Variants in CACNA2D1 observed in about 807,000 individuals in gnomAD.
CACNA2D1 encodes the protein voltage-dependent calcium channel subunit alpha-2/delta-1.
In CACNA2D1, 53 loss-of-function variants were observed where a neutral mutation model predicts 171.5. That is an observed-to-expected ratio of 0.31 (90% CI 0.25 to 0.39). The LOEUF (loss-of-function observed/expected upper bound fraction) is 0.39. Ranked by LOEUF, CACNA2D1 falls within the 10% of genes least tolerant of loss-of-function variation. CACNA2D1 has a pLI of 1.00. For synonymous variants in CACNA2D1, 442 were observed against 443.1 expected (o/e 1.00, Z 0.03); for missense variants, 903 against 1,299.8 (o/e 0.69, Z 4.69).
At chr7:82,323,580 G>A (rs1225719378) in intron 3 of CACNA2D1, among the ~76,000 whole-genome samples, 1 of 152,126 alleles carries the variant, frequency 6.6e-6, no homozygotes, top group African/African-American at 2.4e-5. Flanking sequence ...ATTCTCTGAT[G>A]CTGCCATTTT....
chr7:82,012,082 T>A (rs1799853556), intron 15 of CACNA2D1, 72 bp downstream of exon 15: 4 of 945,980 alleles, frequency 4.2e-6, no homozygotes, highest in Non-Finnish European at 7.0e-6. Context: ...AGAGACATCA[T>A]CTAGAAAGAA....
At chr7:82,297,072 CAAAAAA>C (rs57473351) in intron 3 of CACNA2D1, among the ~76,000 whole-genome samples, 1,988 of 72,276 alleles carry the variant, frequency 0.028, 75 homozygotes, top group Middle Eastern at 0.13. Context: ...CTGTGTCTAC[CAAAAAA>C]AAAAAAAAAA....
chr7:82,046,598 C>A (rs917825302), intron 10 of CACNA2D1, among the ~76,000 whole-genome samples: 5 of 152,102 alleles, frequency 3.3e-5, no homozygotes, highest in African/African-American at 1.2e-4. Context: ...AAGGGTTTTT[C>A]TAGATTAGGT....
chr7:82,077,779 G>A (rs1809181472), intron 7 of CACNA2D1, among the ~76,000 whole-genome samples: 2 of 146,478 alleles, frequency 1.4e-5, no homozygotes, highest in African/African-American at 5.1e-5. Context: ...AAAAAAATCA[G>A]GCATTTTTAG....
intron 3 of CACNA2D1, among the ~76,000 whole-genome samples, chr7:82,172,667 G>C (rs1402345509): frequency 1.8e-5 from 2 of 114,048 alleles, no homozygotes; most frequent in African/African-American, 7.0e-5. Flanking sequence ...CAAACTCCTA[G>C]CCTCAAATTA....
chr7:82,109,819 C>A (rs1251091009), intron 6 of CACNA2D1, among the ~76,000 whole-genome samples: 3 of 152,154 alleles, frequency 2.0e-5, no homozygotes, highest in Admixed American at 6.6e-5. Context: ...ATCCTCACTG[C>A]ACCCTAACAA....
At chr7:82,252,688 G>C (rs1046973878) in intron 3 of CACNA2D1, among the ~76,000 whole-genome samples, 3 of 152,084 alleles carry the variant, frequency 2.0e-5, no homozygotes, top group Non-Finnish European at 1.5e-5. Context: ...TCAAGAGATC[G>C]AGACCATCTG....
At chr7:82,135,206 T>C (rs1791465305) in intron 5 of CACNA2D1, among the ~76,000 whole-genome samples, 1 of 152,072 alleles carries the variant, frequency 6.6e-6, no homozygotes, top group Non-Finnish European at 1.5e-5. Context: ...ACAAATTAAA[T>C]ATTAAATAAA....
chr7:82,031,959 G>A (rs1802753724), intron 12 of CACNA2D1, among the ~76,000 whole-genome samples: 2 of 151,946 alleles, frequency 1.3e-5, no homozygotes, highest in South Asian at 4.1e-4. Context: ...ACCAGAAAGA[G>A]TTTATAATTT....
At chr7:82,176,753 C>G (rs1473372266) in intron 3 of CACNA2D1, among the ~76,000 whole-genome samples, 2 of 151,542 alleles carry the variant, frequency 1.3e-5, no homozygotes, top group African/African-American at 4.8e-5. Flanking sequence ...TTTACTAAGG[C>G]TCGTTATATG....
intron 4 of CACNA2D1, among the ~76,000 whole-genome samples, chr7:82,144,216 G>C (rs1415029842): frequency 1.3e-5 from 2 of 151,894 alleles, no homozygotes; most frequent in Non-Finnish European, 2.9e-5. Context: ...TAAGAATTTG[G>C]TTTCCAACAC....
chr7:82,157,577 T>C (rs1563133492), intron 4 of CACNA2D1, among the ~76,000 whole-genome samples: 1 of 152,034 alleles, frequency 6.6e-6, no homozygotes, highest in East Asian at 1.9e-4. Flanking sequence ...TCAACATCTA[T>C]GATACTAAAA....
chr7:82,406,331 T>G (rs1827039559), intron 1 of CACNA2D1, among the ~76,000 whole-genome samples: 1 of 152,226 alleles, frequency 6.6e-6, no homozygotes, highest in African/African-American at 2.4e-5. Flanking sequence ...TTTGCTATTG[T>G]GAATAGTGCC....
intron 3 of CACNA2D1, among the ~76,000 whole-genome samples, chr7:82,264,810 T>C (rs1163445357): frequency 6.6e-6 from 1 of 152,194 alleles, no homozygotes; most frequent in African/African-American, 2.4e-5. Flanking sequence ...TTTATGATTA[T>C]TTACTTTCTC....
Position 82,074,492 on chromosome 7 carries a change from T to C in CACNA2D1, c.659-7968A>G, listed in dbSNP as rs1808720855. On this transcript the variant is annotated intron_variant, in intron 7 of 38. Coordinates refer to ENST00000356860, the MANE Select transcript of CACNA2D1 (RefSeq NM_000722.4). ...ATCCTCCCTCCTTGGCCTCCTAAACTGCTGGGATTACAGGCATGAGCCACT... is the reference window on the plus strand; with the variant it reads ...ATCCTCCCTCCTTGGCCTCCTAAACCGCTGGGATTACAGGCATGAGCCACT... 4.6e-5 allele frequency among the ~76,000 whole-genome samples: 7 copies of C among 152,194 alleles called. No individual in the cohort carries two copies. In the South Asian group the frequency reaches 1.4e-3, roughly 32 times the overall value.
At chr7:82,042,354 C>G (rs751440435) in intron 10 of CACNA2D1, among the ~76,000 whole-genome samples, 2 of 152,022 alleles carry the variant, frequency 1.3e-5, no homozygotes, top group Non-Finnish European at 2.9e-5. Flanking sequence ...ATATTAAAAA[C>G]CTTAGAGCAA....
At chr7:82,096,191 A>G (rs1018548408) in intron 6 of CACNA2D1, among the ~76,000 whole-genome samples, 1 of 152,164 alleles carries the variant, frequency 6.6e-6, no homozygotes, top group East Asian at 1.9e-4. Context: ...TATGGTCCAC[A>G]TGGTCTCTGT....
At chr7:82,268,135 A>C (rs1294940466) in intron 3 of CACNA2D1, among the ~76,000 whole-genome samples, 1 of 152,230 alleles carries the variant, frequency 6.6e-6, no homozygotes, top group Middle Eastern at 3.2e-3. Context: ...GCAGAAGAAA[A>C]ATCTACGTTT....
At chr7:82,143,652 C>T (rs1010507936) in intron 4 of CACNA2D1, among the ~76,000 whole-genome samples, 2 of 152,086 alleles carry the variant, frequency 1.3e-5, no homozygotes, top group Non-Finnish European at 2.9e-5. Flanking sequence ...GGGGCTTATA[C>T]GCATCCTGTC....
Sources: gnomAD v4.1 joint callset for allele counts (sites outside exome capture counted in the v4.1 genomes callset) on GRCh38, gnomAD v4.1.1 for gene constraint, MANE v1.5 for transcripts, NCBI Gene and HGNC (gene_info 2026-07-23, HGNC 2026-07-21) for gene names.